The following KCNH1 variants were observed in gnomAD, a reference collection of about 807,000 sequenced individuals.
KCNH1 encodes voltage-gated delayed rectifier potassium channel KCNH1.
KCNH1 carries 27 observed loss-of-function variants against 69.2 expected under a neutral mutation model. That is an observed-to-expected ratio of 0.39 (90% CI 0.29 to 0.54). KCNH1 has a LOEUF of 0.54. KCNH1 is among the 20% of genes least tolerant of loss of function. The pLI, the probability that KCNH1 is intolerant of heterozygous loss-of-function variation, is 0.68. For synonymous variants in KCNH1, 456 were observed against 487.7 expected, an observed-to-expected ratio of 0.93 and a Z score of 0.86; for missense variants, 798 against 1,261.6, an observed-to-expected ratio of 0.63 and a Z score of 5.57.
rs545242156 is a variant in KCNH1 at position 211,044,605 on chromosome 1, G to A, written c.559-25349C>T. Among the ~76,000 whole-genome samples the A allele has an allele frequency of 1.1e-3, 161 of 152,186 alleles. 7 individuals are homozygous for A. The South Asian group carries it at 0.029, about 27-fold the overall frequency. ...CCATCAAAAAGTGGGCTATGGACAT[G>A]AATAGACAATTCTCAAAAGAAGATA... is the stretch of plus-strand genomic sequence containing the variant. On this transcript the variant is annotated intron_variant, in intron 5 of 10. Coordinates refer to ENST00000271751, the MANE Select transcript of KCNH1 (RefSeq NM_172362.3).
intron 10 of KCNH1, among the ~76,000 whole-genome samples, chr1:210,712,710 T>A (rs1461084684): frequency 6.6e-6 from 1 of 152,190 alleles, no homozygotes; most frequent in Non-Finnish European, 1.5e-5. Flanking sequence ...GAGTTTCACC[T>A]TTGCTTGCCT....
chr1:210,816,838 G>A (rs1182415400), intron 7 of KCNH1, among the ~76,000 whole-genome samples: 3 of 152,046 alleles, frequency 2.0e-5, no homozygotes, highest in African/African-American at 4.8e-5. Flanking sequence ...AAAACTCGAC[G>A]TTTATTTTTC....
At chr1:211,100,753 G>A (rs1036702982) in intron 3 of KCNH1, among the ~76,000 whole-genome samples, 6 of 152,184 alleles carry the variant, frequency 3.9e-5, no homozygotes, top group Non-Finnish European at 7.3e-5. Flanking sequence ...TGAAAGAGAC[G>A]CACCCTGTTG....
chr1:210,701,637 C>CT lies in KCNH1; in HGVS notation c.2113-17500dup, dbSNP rs200477083. 4.0e-3 allele frequency among the ~76,000 whole-genome samples: 601 copies of CT among 151,452 alleles called. 9 individuals carry two copies. Among genetic ancestry groups the CT allele is most frequent in the African/African-American group, 0.014 (576 of 41,330 alleles). ...TGAAGTTAATCTTCCTTCCTTCCATCTTTTTTTTTATTTGCCTGGCTGCCC... is the reference window on the plus strand; with the variant it reads ...TGAAGTTAATCTTCCTTCCTTCCATCTTTTTTTTTTATTTGCCTGGCTGCCC... On this transcript the variant is annotated intron_variant, in intron 10 of 10. Coordinates refer to ENST00000271751, the MANE Select transcript of KCNH1 (RefSeq NM_172362.3).
rs372483847 is a variant in KCNH1, at chr1:210,698,853, G to A, written c.2113-14715C>T. ...GCCACCAGAGCCTGAGGGCTGCAGC[G>A]CCTGCCTGCCATCCAGCCTGCATCC... On this transcript the variant is annotated intron_variant, in intron 10 of 10. Transcript: ENST00000271751. Among the ~76,000 whole-genome samples the A allele has an allele frequency of 1.4e-4, 22 of 152,234 alleles. 1 individual carries two copies. The highest frequency in any genetic ancestry group is 5.8e-4 in the East Asian group (3 of 5,194).
At chr1:210,986,751 A>T (rs1279122792) in intron 6 of KCNH1, among the ~76,000 whole-genome samples, 1 of 152,094 alleles carries the variant, frequency 6.6e-6, no homozygotes, top group East Asian at 1.9e-4. Flanking sequence ...TGAATCTGAC[A>T]ATTATGTGTC....
intron 5 of KCNH1, among the ~76,000 whole-genome samples, chr1:211,064,637 A>G (rs2102452488): frequency 1.3e-5 from 2 of 152,294 alleles, no homozygotes; most frequent in African/African-American, 4.8e-5. Context: ...ATAAGTATAT[A>G]CAATTATATC....
rs141650911 is a variant in KCNH1 at position 210,926,264 on chromosome 1, AAC to A, written c.1033-6197_1033-6196del. Among the ~76,000 whole-genome samples the A allele has an allele frequency of 3.3e-3, 497 of 148,486 alleles. 1 individual carries two copies. Among genetic ancestry groups the A allele is most frequent in the African/African-American group, 9.4e-3 (382 of 40,600 alleles). On this transcript the variant is annotated intron_variant, in intron 6 of 10. Coordinates refer to ENST00000271751, the MANE Select transcript of KCNH1 (RefSeq NM_172362.3). Reference sequence around the variant, plus strand: ...GACAACAAGAGCAAAACTCCATCTAAACACACACACACACACACACACAAAAC... The same window carrying A: ...GACAACAAGAGCAAAACTCCATCTAAACACACACACACACACACACAAAAC...
At chr1:210,961,630 C>T (rs1022207118) in intron 6 of KCNH1, among the ~76,000 whole-genome samples, 18 of 152,042 alleles carry the variant, frequency 1.2e-4, no homozygotes, top group Non-Finnish European at 1.8e-4. Flanking sequence ...CACCTGAGGT[C>T]GGGAGTTCAA....
chr1:210,718,770 A>T (rs989008444), intron 10 of KCNH1, among the ~76,000 whole-genome samples: 5 of 151,044 alleles, frequency 3.3e-5, no homozygotes, highest in African/African-American at 1.2e-4. Context: ...GACTAGCTAC[A>T]TTTCAAGTAC....
At chr1:210,861,467 A>C in intron 7 of KCNH1, 1 of 775,658 alleles carries the variant, frequency 1.3e-6, no homozygotes, top group East Asian at 2.4e-5. Flanking sequence ...TCTTTCAAAA[A>C]GTCTTGCTAA....
intron 10 of KCNH1, among the ~76,000 whole-genome samples, chr1:210,759,339 A>T (rs1683465828): frequency 6.6e-6 from 1 of 152,178 alleles, no homozygotes; most frequent in African/African-American, 2.4e-5. Flanking sequence ...CTGGAATGAC[A>T]AACATAGAAT....
At position 210,894,092 on chromosome 1, in the gene KCNH1, T is replaced by C. The variant is rs534630970; in HGVS notation, c.1462+25548A>G. ...ACTGATTTTTCTCCTCATCATGTAC[T>C]GTATTTTCTTCTTTCTTTGCTTAAT... On this transcript the variant is annotated intron_variant, in intron 7 of 10. Transcript: ENST00000271751. 2.7e-4 allele frequency among the ~76,000 whole-genome samples: 41 copies of C among 152,336 alleles called. No individual in the cohort carries two copies. In the East Asian group the frequency reaches 6.7e-3, roughly 25 times the overall value.
At chr1:210,794,538 G>T (rs1684269702) in intron 9 of KCNH1, among the ~76,000 whole-genome samples, 1 of 152,144 alleles carries the variant, frequency 6.6e-6, no homozygotes, top group Non-Finnish European at 1.5e-5. Context: ...ATCAAGCCCT[G>T]GTTTCTTCCT....
At chr1:210,899,174 C>A (rs549621733) in intron 7 of KCNH1, among the ~76,000 whole-genome samples, 3 of 152,240 alleles carry the variant, frequency 2.0e-5, no homozygotes, top group African/African-American at 7.2e-5. Context: ...AAAACTAAGA[C>A]ATTACTGTCC....
intron 6 of KCNH1, among the ~76,000 whole-genome samples, chr1:210,988,016 G>T (rs1688873686): frequency 6.6e-6 from 1 of 152,350 alleles, no homozygotes; most frequent in East Asian, 1.9e-4. Flanking sequence ...CTGACACCTT[G>T]CAGTTTGATC....
At chr1:210,749,925 T>C (rs1304419378) in intron 10 of KCNH1, among the ~76,000 whole-genome samples, 1 of 152,130 alleles carries the variant, frequency 6.6e-6, no homozygotes, top group Non-Finnish European at 1.5e-5. Context: ...GTATTTTTAG[T>C]AGAGATGGGG....
At chr1:210,722,862 G>T (rs1250454600) in intron 10 of KCNH1, among the ~76,000 whole-genome samples, 1 of 152,142 alleles carries the variant, frequency 6.6e-6, no homozygotes, top group Non-Finnish European at 1.5e-5. Context: ...CAGCCTCCCA[G>T]AAATTTCCTT....
chr1:210,685,632 T>C (rs1415471285), intron 10 of KCNH1, among the ~76,000 whole-genome samples: 3 of 152,224 alleles, frequency 2.0e-5, no homozygotes, highest in African/African-American at 7.2e-5. Context: ...AGACTTGGTA[T>C]AAAGCTGATA....
Sources: gnomAD v4.1 joint callset for allele counts (sites outside exome capture counted in the v4.1 genomes callset) on GRCh38, gnomAD v4.1.1 for gene constraint, MANE v1.5 for transcripts, NCBI Gene and HGNC (gene_info 2026-07-23, HGNC 2026-07-21) for gene names.